PHIP: variants seen among roughly 807,000 people sequenced by gnomAD.
PHIP encodes the protein PHIP subunit of CUL4-Ring ligase complex.
A neutral mutation model predicts 236.8 loss-of-function variants in PHIP; 54 were observed. The observed-to-expected ratio is 0.23, with a 90% CI of 0.18 to 0.29. The LOEUF is 0.29. Ranked by LOEUF, PHIP falls within the 10% of genes least tolerant of loss-of-function variation. The probability of loss-of-function intolerance (pLI) is 1.00; values close to 1 mark genes in which losing one functional copy is unlikely to be tolerated. For synonymous variants in PHIP, 756 were observed against 718.9 expected (o/e 1.05, Z -0.83); for missense variants, 1,370 against 2,190.8 (o/e 0.63, Z 7.48).
At chr6:79,053,789 T>C (rs1772920903) in intron 6 of PHIP, among the ~76,000 whole-genome samples, 1 of 152,174 alleles carries the variant, frequency 6.6e-6, no homozygotes. Context: ...AAATATGTGA[T>C]GCAAACTAAA....
intron 29 of PHIP, among the ~76,000 whole-genome samples, chr6:78,964,063 T>G (rs1189610268): frequency 2.6e-5 from 4 of 152,334 alleles, no homozygotes; most frequent in African/African-American, 9.6e-5. Flanking sequence ...ACCAACTGGC[T>G]GCATTGCTAT....
chr6:79,077,822 C>T (rs960163587), intron 2 of PHIP, 33 bp downstream of exon 2: 13 of 1,291,944 alleles, frequency 1.0e-5, no homozygotes, highest in Non-Finnish European at 1.3e-5. Flanking sequence ...GAGCGGCGAG[C>T]GCCGGCCCGG....
chr6:78,969,786 G>GA (rs757033069), intron 27 of PHIP, 49 bp downstream of exon 27: 2,395 of 838,286 alleles, frequency 2.9e-3, no homozygotes, highest in South Asian at 5.1e-3. Flanking sequence ...CACTTACTAA[G>GA]AAAAAAAAAC....
chr6:79,066,360 T>C (rs1773620328), intron 4 of PHIP, among the ~76,000 whole-genome samples: 1 of 152,152 alleles, frequency 6.6e-6, no homozygotes, highest in Non-Finnish European at 1.5e-5. Context: ...GTATATACTA[T>C]CATTATTCCC....
chr6:79,070,427 A>G (rs1276792316), intron 4 of PHIP, among the ~76,000 whole-genome samples: 1 of 152,250 alleles, frequency 6.6e-6, no homozygotes, highest in Non-Finnish European at 1.5e-5. Context: ...ATACAATGAC[A>G]GCAAAGTTGT....
chr6:78,936,274 G>A lies in PHIP; in HGVS notation c.*4419C>T, dbSNP rs528884214. 6.6e-6 allele frequency: 1 copy of A among 151,856 alleles called. No homozygotes were observed. Among genetic ancestry groups the A allele is most frequent in the African/African-American group, 2.4e-5 (1 of 41,502 alleles). 9.4% of individuals were successfully genotyped at this position (151,856 alleles called of 1,614,324 possible). Reference sequence around the variant, plus strand: ...TGTCAGTTTCAACTTTCACCCTCTAGGTCAGTTACTTTTTAAAAATTGAGC... The same window carrying A: ...TGTCAGTTTCAACTTTCACCCTCTAAGTCAGTTACTTTTTAAAAATTGAGC... On this transcript the variant is annotated 3_prime_UTR_variant, in exon 40 of 40. Coordinates refer to ENST00000275034, the MANE Select transcript of PHIP (RefSeq NM_017934.7).
At chr6:78,988,371 T>C in intron 20 of PHIP, 22 bp from the exon 21 acceptor site, 1 of 1,538,464 alleles carries the variant, frequency 6.5e-7, no homozygotes, top group Non-Finnish European at 8.8e-7. Context: ...TAAATTAAAT[T>C]TATTCACAGA....
chr6:79,059,248 A>G (rs1304076113), intron 6 of PHIP, among the ~76,000 whole-genome samples: 1 of 152,046 alleles, frequency 6.6e-6, no homozygotes, highest in African/African-American at 2.4e-5. Context: ...AGAAAGGAAC[A>G]CAGAGGTTAT....
intron 39 of PHIP, among the ~76,000 whole-genome samples, chr6:78,941,918 A>G (rs1162912778): frequency 6.6e-6 from 1 of 152,192 alleles, no homozygotes. Context: ...TGGCAATCAA[A>G]TTCTAAACCT....
chr6:78,943,988 TTTAAAAA>T lies in PHIP; in HGVS notation c.4828+1305_4828+1311del, dbSNP rs1335010433. Among the ~76,000 whole-genome samples the T allele has an allele frequency of 5.3e-4, 13 of 24,414 alleles. 1 individual carries two copies. The South Asian group carries it at 0.035, about 66-fold the overall frequency. The allele number at this position is 24,414 out of a possible 152,430, so 16.0% of individuals were successfully genotyped here. ...GTGACAGAGCAAGATCCTGTCTTTT[TTTAAAAA>T]AAAAAAAAAAAAAAAAAAGGAAGTG... On this transcript the variant is annotated intron_variant, in intron 39 of 39. Transcript: ENST00000275034.
At chr6:78,957,154 G>A (rs1225677807) in intron 32 of PHIP, 2 of 151,922 alleles carry the variant, frequency 1.3e-5, no homozygotes, top group Non-Finnish European at 2.9e-5. Context: ...TTTCAAAGTA[G>A]CCGTTTGAAA....
At chr6:78,999,263 A>C (rs1212343885) in intron 17 of PHIP, among the ~76,000 whole-genome samples, 1 of 152,184 alleles carries the variant, frequency 6.6e-6, no homozygotes, top group Non-Finnish European at 1.5e-5. Flanking sequence ...TCATGCACTG[A>C]AACTTTTGAA....
intron 35 of PHIP, among the ~76,000 whole-genome samples, chr6:78,954,404 C>T (rs1411315917): frequency 6.6e-6 from 1 of 152,060 alleles, no homozygotes; most frequent in Non-Finnish European, 1.5e-5. Flanking sequence ...CCGTGCCCAG[C>T]CTAAAAACTA....
chr6:79,077,019 T>G (rs1431110016), intron 4 of PHIP, among the ~76,000 whole-genome samples: 1 of 152,150 alleles, frequency 6.6e-6, no homozygotes, highest in African/African-American at 2.4e-5. Flanking sequence ...CACCAGCTAT[T>G]GTGTAGGGCA....
chr6:79,057,897 T>C (rs1259573159), intron 6 of PHIP, among the ~76,000 whole-genome samples: 3 of 152,128 alleles, frequency 2.0e-5, no homozygotes, highest in Admixed American at 1.3e-4. Context: ...CATTACTTTA[T>C]AGCGATAATA....
intron 22 of PHIP, 112 bp downstream of exon 22, chr6:78,985,240 T>C: frequency 2.9e-6 from 2 of 679,100 alleles, no homozygotes; most frequent in Non-Finnish European, 5.3e-6. Context: ...TCAAAAACTC[T>C]CTGAAGAACT....
chr6:78,986,328 T>C (rs867124205), intron 21 of PHIP, among the ~76,000 whole-genome samples: 1 of 152,224 alleles, frequency 6.6e-6, no homozygotes, highest in African/African-American at 2.4e-5. Context: ...ATTGGGTTTT[T>C]TGATGGCAAA....
intron 35 of PHIP, among the ~76,000 whole-genome samples, chr6:78,951,849 G>A (rs752802556): frequency 4.5e-4 from 69 of 152,110 alleles, no homozygotes; most frequent in Non-Finnish European, 8.7e-4. Context: ...TAAGGGATAC[G>A]GGTTCCCATT....
chr6:79,059,299 A>C (rs998412021), intron 6 of PHIP, among the ~76,000 whole-genome samples: 2 of 151,984 alleles, frequency 1.3e-5, no homozygotes, highest in African/African-American at 4.8e-5. Flanking sequence ...TCAATAAAAG[A>C]CATTTCCAGA....
Sources: gnomAD v4.1 joint callset for allele counts (sites outside exome capture counted in the v4.1 genomes callset) on GRCh38, gnomAD v4.1.1 for gene constraint, MANE v1.5 for transcripts, NCBI Gene and HGNC (gene_info 2026-07-23, HGNC 2026-07-21) for gene names.